Variants in ADAMTSL3 observed in about 807,000 individuals in gnomAD.
The protein encoded by ADAMTSL3 is ADAMTS like 3, also known as ADAMTS-like protein 3.
Under a neutral mutation model 201.7 loss-of-function variants are expected in ADAMTSL3, and 128 were observed. That is an observed-to-expected ratio of 0.63 (90% CI 0.55 to 0.73). The LOEUF (loss-of-function observed/expected upper bound fraction) is 0.73, where lower values mean the gene tolerates loss of function less well. Ranked by LOEUF, ADAMTSL3 falls within the 30% of genes least tolerant of loss-of-function variation. The pLI, the probability that ADAMTSL3 is intolerant of heterozygous loss-of-function variation, is 0.00. For synonymous variants in ADAMTSL3, 738 were observed against 748.4 expected (o/e 0.99, Z 0.23); for missense variants, 1,990 against 2,119.6 (o/e 0.94, Z 1.20).
intron 4 of ADAMTSL3, among the ~76,000 whole-genome samples, chr15:83,778,514 A>C (rs561783437): frequency 6.6e-6 from 1 of 152,328 alleles, no homozygotes; most frequent in African/African-American, 2.4e-5. Context: ...ATCCAGCCAA[A>C]TTAAGCTTCA....
At chr15:83,924,101 C>G in intron 17 of ADAMTSL3, 68 bp downstream of exon 17, 1 of 1,574,786 alleles carries the variant, frequency 6.4e-7, no homozygotes. Context: ...GCAGAGAAAC[C>G]CACCTAAGTG....
chr15:83,953,297 C>G lies in ADAMTSL3; in HGVS notation c.2490+10215C>G, dbSNP rs1280677727. Among the ~76,000 whole-genome samples, 6 of 151,728 alleles carry G rather than the reference C, an allele frequency of 4.0e-5. No individual in the cohort carries two copies. In the East Asian group the frequency reaches 7.7e-4, roughly 20 times the overall value. Reference sequence around the variant, plus strand: ...TTCTTGCTTTTTATTTTTTCTGTATCCATCGTATGGTTTTTGATTTGAGAT... The same window carrying G: ...TTCTTGCTTTTTATTTTTTCTGTATGCATCGTATGGTTTTTGATTTGAGAT... On this transcript the variant is annotated intron_variant, in intron 19 of 29. Transcript: ENST00000286744.
chr15:83,798,573 C>T (rs188010802), intron 4 of ADAMTSL3, among the ~76,000 whole-genome samples: 43 of 151,964 alleles, frequency 2.8e-4, no homozygotes, highest in African/African-American at 9.9e-4. Context: ...TTTGGGAGGC[C>T]GAGGCGGGCG....
intron 25 of ADAMTSL3, among the ~76,000 whole-genome samples, chr15:84,018,951 A>G (rs2068140723): frequency 6.6e-6 from 1 of 152,184 alleles, no homozygotes; most frequent in Non-Finnish European, 1.5e-5. Flanking sequence ...CAATAAGAAT[A>G]ATGAATACAT....
chr15:84,017,328 A>G (rs77328593), intron 25 of ADAMTSL3, among the ~76,000 whole-genome samples: 19,662 of 152,208 alleles, frequency 0.13, 1,488 homozygotes, highest in Admixed American at 0.22. Context: ...CGTGTTAGCC[A>G]GGATGATCTC....
chr15:83,710,986 A>G (rs1387824862), intron 3 of ADAMTSL3, among the ~76,000 whole-genome samples: 1 of 152,228 alleles, frequency 6.6e-6, no homozygotes, highest in Non-Finnish European at 1.5e-5. Context: ...GAAAAGTATG[A>G]GAGAAATGTT....
chr15:83,902,363 C>T lies in ADAMTSL3; in HGVS notation c.1700+2632C>T, dbSNP rs942173623. On this transcript the variant is annotated intron_variant, in intron 15 of 29. Transcript: ENST00000286744. ...TCTGCTCACTGCAACCTCCGCCTTCCGGGTTCAAGCGATTCTCCTGCCTCA... is the reference window on the plus strand; with the variant it reads ...TCTGCTCACTGCAACCTCCGCCTTCTGGGTTCAAGCGATTCTCCTGCCTCA... Among the ~76,000 whole-genome samples the T allele has an allele frequency of 8.5e-5, 13 of 152,230 alleles. No individual in the cohort carries two copies. In the South Asian group the frequency reaches 1.0e-3, roughly 12 times the overall value.
Position 83,934,178 on chromosome 15 carries a change from G to C in ADAMTSL3, c.2118-8418G>C, listed in dbSNP as rs187387488. ...TCAGCCCATGAAAGCAGCTGGGAGG[G>C]GGGGCTGTACCCTGCAAAGCCACAA... On this transcript the variant is annotated intron_variant, in intron 17 of 29. Coordinates refer to ENST00000286744, the MANE Select transcript of ADAMTSL3 (RefSeq NM_207517.3). Among the ~76,000 whole-genome samples, 4 of 152,194 alleles carry C rather than the reference G, an allele frequency of 2.6e-5. No individual in the cohort carries two copies. The East Asian group carries it at 7.7e-4, about 29-fold the overall frequency.
chr15:83,751,588 G>A (rs1281888921), intron 3 of ADAMTSL3, among the ~76,000 whole-genome samples: 1 of 152,180 alleles, frequency 6.6e-6, no homozygotes, highest in Non-Finnish European at 1.5e-5. Flanking sequence ...TTTCCAAGAA[G>A]GTGGGCAGCT....
At position 83,975,962 on chromosome 15, in the gene ADAMTSL3, G is replaced by A. The variant is rs561656100; in HGVS notation, c.2644+5325G>A. ...TATATTGGGGAAATATGAGAGTATG[G>A]CTGGGAGTCTAGTGAAGGGGATATG... On this transcript the variant is annotated intron_variant, in intron 20 of 29. Coordinates refer to ENST00000286744, the MANE Select transcript of ADAMTSL3 (RefSeq NM_207517.3). 2.6e-5 allele frequency among the ~76,000 whole-genome samples: 4 copies of A among 152,280 alleles called. No homozygotes were observed. The East Asian group carries it at 7.7e-4, about 29-fold the overall frequency.
chr15:84,011,069 G>C (rs1361123645), intron 23 of ADAMTSL3, among the ~76,000 whole-genome samples: 1 of 152,152 alleles, frequency 6.6e-6, no homozygotes, highest in Non-Finnish European at 1.5e-5. Flanking sequence ...TATATCCTTA[G>C]CATTGCCACA....
At chr15:83,699,564 G>C (rs973276615) in intron 2 of ADAMTSL3, among the ~76,000 whole-genome samples, 1 of 152,134 alleles carries the variant, frequency 6.6e-6, no homozygotes, top group African/African-American at 2.4e-5. Context: ...TTCTAGCTCA[G>C]TCTCCACAAA....
At chr15:83,680,637 G>A (rs1315433171) in intron 2 of ADAMTSL3, among the ~76,000 whole-genome samples, 1 of 150,726 alleles carries the variant, frequency 6.6e-6, no homozygotes, top group Non-Finnish European at 1.5e-5. Context: ...ATATTGTACT[G>A]TTTAATCATC....
intron 2 of ADAMTSL3, among the ~76,000 whole-genome samples, chr15:83,663,412 C>A (rs1276668197): frequency 6.6e-6 from 1 of 152,190 alleles, no homozygotes; most frequent in Non-Finnish European, 1.5e-5. Context: ...GTTATTTAAA[C>A]CCATTATTTC....
chr15:83,808,901 TCA>T (rs1361331495), intron 5 of ADAMTSL3, among the ~76,000 whole-genome samples: 1 of 143,892 alleles, frequency 6.9e-6, no homozygotes, highest in Non-Finnish European at 1.5e-5. Context: ...ATAATCTCAT[TCA>T]TACGTGGAAT....
chr15:83,686,967 G>T (rs935815495), intron 2 of ADAMTSL3, among the ~76,000 whole-genome samples: 4 of 152,110 alleles, frequency 2.6e-5, no homozygotes, highest in Non-Finnish European at 5.9e-5. Flanking sequence ...GAGGTAGGAG[G>T]ACTACTTGAG....
intron 6 of ADAMTSL3, among the ~76,000 whole-genome samples, chr15:83,826,230 A>G (rs1161200944): frequency 6.6e-6 from 1 of 151,742 alleles, no homozygotes; most frequent in Non-Finnish European, 1.5e-5. Flanking sequence ...CCTAGTCTGC[A>G]CTCCACCCCT....
intron 5 of ADAMTSL3, among the ~76,000 whole-genome samples, chr15:83,818,520 T>C (rs540987216): frequency 1.1e-3 from 170 of 152,174 alleles, no homozygotes; most frequent in African/African-American, 3.9e-3. Context: ...AGAGACGGGG[T>C]TTCACCATTT....
intron 5 of ADAMTSL3, among the ~76,000 whole-genome samples, chr15:83,816,064 G>T (rs2063765730): frequency 6.6e-6 from 1 of 152,230 alleles, no homozygotes; most frequent in Non-Finnish European, 1.5e-5. Context: ...TTAAGCATAA[G>T]CAGGCCTTGA....
Sources: allele counts gnomAD v4.1 joint callset (sites outside exome capture counted in the v4.1 genomes callset), GRCh38; gene constraint gnomAD v4.1.1; transcripts MANE v1.5; gene names NCBI Gene and HGNC (gene_info 2026-07-23, HGNC 2026-07-21).